CPQ: variants seen among roughly 807,000 people sequenced by gnomAD.
The protein encoded by CPQ is carboxypeptidase Q.
Under a neutral mutation model 45.7 loss-of-function variants are expected in CPQ, and 37 were observed. The observed-to-expected ratio is 0.81, with a 90% CI of 0.62 to 1.07. CPQ has a LOEUF of 1.07. CPQ is among the 50% of genes least tolerant of loss of function. The probability of loss-of-function intolerance (pLI) is 0.00; values close to 1 mark genes in which losing one functional copy is unlikely to be tolerated. For synonymous variants in CPQ, 186 were observed against 205.8 expected (o/e 0.90, Z 0.82); for missense variants, 537 against 572.9 (o/e 0.94, Z 0.64).
At chr8:97,100,795 T>A (rs1811290666) in intron 7 of CPQ, among the ~76,000 whole-genome samples, 1 of 152,156 alleles carries the variant, frequency 6.6e-6, no homozygotes, top group African/African-American at 2.4e-5. Flanking sequence ...ATAGCTCATA[T>A]AATGGCCCCC....
intron 5 of CPQ, among the ~76,000 whole-genome samples, chr8:97,025,790 CTA>C (rs1244328383): frequency 6.6e-6 from 1 of 152,144 alleles, no homozygotes; most frequent in Non-Finnish European, 1.5e-5. Context: ...GCTTTTAAAA[CTA>C]GTTTGGATTT....
chr8:96,784,146 A>G (rs925682598), intron 1 of CPQ, among the ~76,000 whole-genome samples: 1 of 151,772 alleles, frequency 6.6e-6, no homozygotes, highest in Non-Finnish European at 1.5e-5. Context: ...GGTCTGACAC[A>G]CAGCATGCAC....
At chr8:97,104,680 A>G (rs2130584896) in intron 7 of CPQ, among the ~76,000 whole-genome samples, 1 of 152,304 alleles carries the variant, frequency 6.6e-6, no homozygotes, top group East Asian at 1.9e-4. Flanking sequence ...CTTGCACAAA[A>G]TATTCCCTGA....
At chr8:96,720,742 T>C (rs1478668859) in intron 1 of CPQ, among the ~76,000 whole-genome samples, 1 of 152,108 alleles carries the variant, frequency 6.6e-6, no homozygotes, top group Non-Finnish European at 1.5e-5. Context: ...CAGATATAAC[T>C]CTATATCTGT....
intron 4 of CPQ, among the ~76,000 whole-genome samples, chr8:96,900,129 T>G (rs962448373): frequency 2.0e-5 from 3 of 152,200 alleles, no homozygotes; most frequent in African/African-American, 7.2e-5. Context: ...TCAGAAAGGT[T>G]TTGTTAACTT....
chr8:96,770,240 C>T (rs1481607536), intron 1 of CPQ, among the ~76,000 whole-genome samples: 2 of 152,056 alleles, frequency 1.3e-5, no homozygotes, highest in African/African-American at 4.8e-5. Flanking sequence ...CAGGTTGTCA[C>T]CTCCACACTT....
At chr8:96,821,126 A>ATTTTTTTTTTTTTTTTTTT (rs572906188) in intron 2 of CPQ, among the ~76,000 whole-genome samples, 2 of 60,938 alleles carry the variant, frequency 3.3e-5, no homozygotes, top group Admixed American at 1.9e-4. Context: ...TTTAATCTGA[A>ATTTTTTTTTTTTTTTTTTT]TTTTTTTTTT....
chr8:96,818,317 C>A (rs116994289), intron 2 of CPQ, among the ~76,000 whole-genome samples: 1 of 151,740 alleles, frequency 6.6e-6, no homozygotes, highest in East Asian at 2.0e-4. Flanking sequence ...GGGTGTAGTT[C>A]GTGGTGCTCC....
intron 1 of CPQ, among the ~76,000 whole-genome samples, chr8:96,736,638 T>C (rs1041928465): frequency 6.6e-6 from 1 of 152,208 alleles, no homozygotes; most frequent in African/African-American, 2.4e-5. Context: ...TGGAAAAGAA[T>C]GCATTTGCCA....
At chr8:97,126,172 G>A (rs1258899293) in intron 7 of CPQ, among the ~76,000 whole-genome samples, 1 of 152,074 alleles carries the variant, frequency 6.6e-6, no homozygotes, top group African/African-American at 2.4e-5. Flanking sequence ...AGAAGGGTGC[G>A]ATGGGTACGC....
intron 7 of CPQ, among the ~76,000 whole-genome samples, chr8:97,141,658 A>T (rs1414655543): frequency 6.6e-6 from 1 of 152,046 alleles, no homozygotes; most frequent in African/African-American, 2.4e-5. Flanking sequence ...CCAGCAAACC[A>T]CTCCTACATT....
At chr8:96,969,462 A>G (rs1813624749) in intron 5 of CPQ, among the ~76,000 whole-genome samples, 1 of 151,582 alleles carries the variant, frequency 6.6e-6, no homozygotes, top group Non-Finnish European at 1.5e-5. Flanking sequence ...TGAATGTAGG[A>G]TGTACAAATT....
intron 3 of CPQ, among the ~76,000 whole-genome samples, chr8:96,854,347 C>T (rs557013709): frequency 7.3e-5 from 11 of 150,532 alleles, no homozygotes; most frequent in South Asian, 4.2e-4. Flanking sequence ...CCGGCTAAAA[C>T]GGTGAAACCC....
intron 4 of CPQ, among the ~76,000 whole-genome samples, chr8:96,947,419 G>A (rs2130331866): frequency 6.6e-6 from 1 of 152,218 alleles, no homozygotes; most frequent in South Asian, 2.1e-4. Flanking sequence ...CTATTGGTCT[G>A]TATGACTGTC....
intron 5 of CPQ, among the ~76,000 whole-genome samples, chr8:97,023,016 T>C (rs7462422): frequency 0.022 from 2,884 of 133,462 alleles, 43 homozygotes; most frequent in African/African-American, 0.026. Flanking sequence ...ATACTATATA[T>C]AGTATATATA....
intron 1 of CPQ, among the ~76,000 whole-genome samples, chr8:96,777,950 G>A (rs776105736): frequency 4.3e-4 from 65 of 149,956 alleles, no homozygotes; most frequent in Non-Finnish European, 4.1e-4. Flanking sequence ...GGATGGTCTC[G>A]ATATCCTGAC....
chr8:96,830,446 A>C lies in CPQ; in HGVS notation c.434-4527A>C, dbSNP rs561938791. Among the ~76,000 whole-genome samples the C allele has an allele frequency of 9.9e-5, 15 of 152,234 alleles. No individual in the cohort carries two copies. The South Asian group carries it at 3.1e-3, about 32-fold the overall frequency. On this transcript the variant is annotated intron_variant, in intron 2 of 7. Transcript: ENST00000220763. ...GTCAGCAGCTGTTGTCTGTGCTAGG[A>C]GACCACAGTAGTAATTACACACAGG...
chr8:96,993,816 G>A (rs1252841947), intron 5 of CPQ, among the ~76,000 whole-genome samples: 1 of 152,060 alleles, frequency 6.6e-6, no homozygotes, highest in East Asian at 1.9e-4. Flanking sequence ...GTATCAACAA[G>A]GAGAAGAGAA....
chr8:96,711,087 C>G (rs902798500), intron 1 of CPQ, among the ~76,000 whole-genome samples: 3 of 151,938 alleles, frequency 2.0e-5, no homozygotes, highest in Admixed American at 1.3e-4. Context: ...TTTTGCCCCC[C>G]CTTTTTTTCT....
Sources: allele counts gnomAD v4.1 joint callset (sites outside exome capture counted in the v4.1 genomes callset), GRCh38; gene constraint gnomAD v4.1.1; transcripts MANE v1.5; gene names NCBI Gene and HGNC (gene_info 2026-07-23, HGNC 2026-07-21).